The following PRAG1 variants were observed in gnomAD, a reference collection of about 807,000 sequenced individuals.
PRAG1 encodes inactive tyrosine-protein kinase PRAG1.
In PRAG1, 110 loss-of-function variants were observed where a neutral mutation model predicts 95.6. The ratio of observed to expected loss-of-function variants is 1.15; its 90% CI spans 0.99 to 1.35. The LOEUF (loss-of-function observed/expected upper bound fraction) is 1.35. PRAG1 is among the 40% of genes most tolerant of loss of function. The pLI, the probability that PRAG1 is intolerant of heterozygous loss-of-function variation, is 0.00. For synonymous variants in PRAG1, 1,052 were observed against 819.4 expected, an observed-to-expected ratio of 1.28 and a Z score of -4.85; for missense variants, 2,554 against 1,864.7, an observed-to-expected ratio of 1.37 and a Z score of -6.81.
At chr8:8,343,180 T>G (rs978099869) in intron 3 of PRAG1, among the ~76,000 whole-genome samples, 1 of 152,058 alleles carries the variant, frequency 6.6e-6, no homozygotes, top group African/African-American at 2.4e-5. Context: ...AGATTGTAAA[T>G]AAAACAAGAT....
intron 2 of PRAG1, among the ~76,000 whole-genome samples, chr8:8,378,303 G>A (rs921796239): frequency 3.3e-5 from 5 of 152,268 alleles, no homozygotes; most frequent in African/African-American, 9.6e-5. Flanking sequence ...CCCAGACACT[G>A]AGCTGCCCTT....
rs773565395 is a variant in PRAG1, at chr8:8,318,894, C to A, written c.3481G>T (p.Gly1161Cys). Residue 1161 changes from glycine (G) to cysteine (C), a missense_variant, in exon 6 of 6, where the codon GGC becomes TGC. By Grantham distance (159) the Gly-to-Cys change is radical. Coordinates refer to ENST00000615670, the MANE Select transcript of PRAG1 (RefSeq NM_001080826.3). This position sits in a 1 kb window ranked among gnomAD's most constrained non-coding sequence, Gnocchi z 4.2. ...LLLVHCTLQAGPGPAPAPAPA... is the reference protein window; with the variant it reads ...LLLVHCTLQACPGPAPAPAPA... Reference sequence around the variant, plus strand: ...GCGGGGGCGGGGGCGGGCCCGGGGCCGGCCTGGAGGGTGCAGTGCACCAGC... The same window carrying A: ...GCGGGGGCGGGGGCGGGCCCGGGGCAGGCCTGGAGGGTGCAGTGCACCAGC... The A allele has an allele frequency of 6.8e-7, 1 of 1,469,462 alleles. No individual in the cohort carries two copies. The allele number at this position is 1,469,462 out of a possible 1,614,324, so 91.0% of individuals were successfully genotyped here.
At chr8:8,379,988 C>T (rs995410648) in intron 2 of PRAG1, among the ~76,000 whole-genome samples, 3 of 152,162 alleles carry the variant, frequency 2.0e-5, no homozygotes, top group Non-Finnish European at 4.4e-5. Context: ...TGCCTATAAT[C>T]CCAGCACTAT....
Position 8,318,479 on chromosome 8 carries a change from C to T in PRAG1, c.3896G>A (p.Gly1299Asp), listed in dbSNP as rs1428452169. Reference sequence around the variant, plus strand: ...TAGCAGATGTGCCAGCTGCTGCAGGCCGGGTGAGTAGAGGGACAGCGCGGG... The same window carrying T: ...TAGCAGATGTGCCAGCTGCTGCAGGTCGGGTGAGTAGAGGGACAGCGCGGG... ...PLPALSLYSP[G>D]LQQLAHLLLE... Residue 1299 changes from glycine (G) to aspartate (D), a missense_variant, in exon 6 of 6, where the codon GGC becomes GAC. Gly to Asp is a moderately conservative substitution (Grantham distance 94). Coordinates refer to ENST00000615670, the MANE Select transcript of PRAG1 (RefSeq NM_001080826.3). The surrounding 1 kb of genome is among the most constrained non-coding windows in gnomAD (Gnocchi z 4.2). The T allele has an allele frequency of 3.7e-6, 6 of 1,612,246 alleles. No individual in the cohort carries two copies. Among genetic ancestry groups the T allele is most frequent in the Non-Finnish European group, 5.1e-6 (6 of 1,179,770 alleles).
chr8:8,377,777 A>G lies in PRAG1; in HGVS notation c.632T>C (p.Leu211Pro). 1 of 1,614,134 alleles carries G rather than the reference A, an allele frequency of 6.2e-7. No individual in the cohort carries two copies. The highest frequency in any genetic ancestry group is 1.3e-5 in the African/African-American group (1 of 75,062). The change falls in exon 3 of 6, where the codon CTG (leucine) becomes CCG (proline). Residue 211 changes from leucine to proline, a missense_variant. By Grantham distance (98) the Leu-to-Pro change is moderately conservative. Coordinates refer to ENST00000615670, the MANE Select transcript of PRAG1 (RefSeq NM_001080826.3). Reference protein sequence around the residue: ...PSTQESFRQKLAAFAGTTSGC... With the variant: ...PSTQESFRQKPAAFAGTTSGC... ...AGATGTGGTCCCAGCAAAGGCAGCC[A>G]GTTTCTGGCGGAAGCTCTCCTGGGT...
At chr8:8,328,539 T>C (rs375594319) in intron 4 of PRAG1, 78 bp from the exon 5 acceptor site, 2 of 946,088 alleles carry the variant, frequency 2.1e-6, no homozygotes, top group African/African-American at 1.7e-5. Context: ...TGTTTCCCTT[T>C]ATTTATTTAT....
At chr8:8,338,547 G>GAAT (rs1314835360) in intron 4 of PRAG1, among the ~76,000 whole-genome samples, 1 of 152,206 alleles carries the variant, frequency 6.6e-6, no homozygotes, top group East Asian at 1.9e-4. Flanking sequence ...ATCTGTTGTT[G>GAAT]CTACATTCCT....
intron 5 of PRAG1, among the ~76,000 whole-genome samples, chr8:8,320,311 G>A (rs992419921): frequency 2.0e-5 from 3 of 152,204 alleles, no homozygotes; most frequent in African/African-American, 7.2e-5. Flanking sequence ...CACCATCTGA[G>A]ATGAAGGTAG....
intron 5 of PRAG1, among the ~76,000 whole-genome samples, chr8:8,321,353 G>T (rs1798466573): frequency 6.6e-6 from 1 of 152,332 alleles, no homozygotes; most frequent in South Asian, 2.1e-4. Flanking sequence ...CCAAAGTGCT[G>T]GGATTACTCG....
chr8:8,361,016 T>C (rs1799827916), intron 3 of PRAG1, among the ~76,000 whole-genome samples: 2 of 152,202 alleles, frequency 1.3e-5, no homozygotes, highest in Non-Finnish European at 1.5e-5. Flanking sequence ...ATATCCAGGA[T>C]GGAAATTAAT....
At chr8:8,345,800 T>C (rs1280186873) in intron 3 of PRAG1, among the ~76,000 whole-genome samples, 3 of 151,808 alleles carry the variant, frequency 2.0e-5, no homozygotes. Context: ...GTCTCAAAAA[T>C]AAAATAAAAT....
rs199973377 is a variant in PRAG1, at chr8:8,328,210, C to T, written c.2572G>A (p.Asp858Asn). ...NLSHSETNVH[D>N]ESHFSYSLSP... Reference sequence around the variant, plus strand: ...AACGAATAGCTAAAGTGAGATTCGTCGTGGACGTTGGTTTCCGAGTGGCTT... The same window carrying T: ...AACGAATAGCTAAAGTGAGATTCGTTGTGGACGTTGGTTTCCGAGTGGCTT... The change falls in exon 5 of 6, where the codon GAC becomes AAC. Residue 858 changes from aspartate to asparagine, a missense_variant. Asp to Asn is a conservative substitution (Grantham distance 23, BLOSUM62 1). Transcript: ENST00000615670. 2.5e-6 allele frequency: 4 copies of T among 1,614,054 alleles called. No homozygotes were observed. The highest frequency in any genetic ancestry group is 1.1e-5 in the South Asian group (1 of 91,078).
chr8:8,346,508 C>G (rs2116854674), intron 3 of PRAG1, among the ~76,000 whole-genome samples: 1 of 152,316 alleles, frequency 6.6e-6, no homozygotes. Context: ...GCTTTTCCCT[C>G]CATTGTCCTT....
chr8:8,383,647 T>C (rs1800757017), intron 1 of PRAG1, among the ~76,000 whole-genome samples: 1 of 152,126 alleles, frequency 6.6e-6, no homozygotes, highest in African/African-American at 2.4e-5. Flanking sequence ...TCCTCTGAAA[T>C]AAAAGAAAAG....
In PRAG1 at chr8:8,328,547, T is replaced by A. The variant is rs2117117767; in HGVS notation, c.2321-86A>T. On this transcript the variant is annotated intron_variant, in intron 4 of 5. Coordinates refer to ENST00000615670, the MANE Select transcript of PRAG1 (RefSeq NM_001080826.3). The stretch of plus-strand genomic sequence containing the variant: ...GCAGACTTGTTTCCCTTTATTTATT[T>A]ATTTATTTGGTCAGAGCAATTAATT... The A allele has an allele frequency of 8.6e-6, 12 of 1,391,958 alleles. No individual in the cohort carries two copies. In the South Asian group the frequency reaches 1.5e-4, roughly 18 times the overall value. 86.2% of individuals were successfully genotyped at this position (1,391,958 alleles called of 1,614,324 possible). A position where few individuals can be genotyped will look rare whatever the true frequency, so the allele number is the denominator to read the frequency against.
intron 2 of PRAG1, among the ~76,000 whole-genome samples, chr8:8,381,210 C>G (rs1049334963): frequency 6.6e-6 from 1 of 152,166 alleles, no homozygotes; most frequent in Non-Finnish European, 1.5e-5. Flanking sequence ...TTCTGGGGGA[C>G]TGGATTAATG....
At chr8:8,324,633 T>C (rs1798577760) in intron 5 of PRAG1, among the ~76,000 whole-genome samples, 2 of 152,192 alleles carry the variant, frequency 1.3e-5, no homozygotes, top group Non-Finnish European at 2.9e-5. Flanking sequence ...TTTTTAGCTC[T>C]AGAACTTTAC....
At chr8:8,329,952 C>T (rs1563229707) in intron 4 of PRAG1, among the ~76,000 whole-genome samples, 1 of 152,216 alleles carries the variant, frequency 6.6e-6, no homozygotes, top group Non-Finnish European at 1.5e-5. Context: ...TCAGTGCATG[C>T]AACCTGTTGA....
At chr8:8,374,691 C>T in intron 3 of PRAG1, 2 of 985,430 alleles carry the variant, frequency 2.0e-6, no homozygotes, top group Non-Finnish European at 2.4e-6. Flanking sequence ...CTACACGCGG[C>T]TGCCAAAGAG....
Sources: gnomAD v4.1 joint callset for allele counts (sites outside exome capture counted in the v4.1 genomes callset) on GRCh38, gnomAD v4.1.1 for gene constraint, Gnocchi (gnomAD v3.1) non-coding constraint, MANE v1.5 for transcripts, NCBI Gene and HGNC (gene_info 2026-07-23, HGNC 2026-07-21) for gene names.